Variants in ZFPM1 observed in about 807,000 individuals in gnomAD.
ZFPM1 encodes the protein zinc finger protein, FOG family member 1.
Under a neutral mutation model 46.3 loss-of-function variants are expected in ZFPM1, and 28 were observed. That is an observed-to-expected ratio of 0.60 (90% CI 0.45 to 0.83). ZFPM1 has a LOEUF of 0.83. ZFPM1 is among the 40% of genes least tolerant of loss of function. The probability of loss-of-function intolerance (pLI) is 0.00; values close to 1 mark genes in which losing one functional copy is unlikely to be tolerated. For synonymous variants in ZFPM1, 957 were observed against 675.9 expected (o/e 1.42, Z -6.45); for missense variants, 1,878 against 1,432.4 (o/e 1.31, Z -5.02).
In ZFPM1 at chr16:88,485,852, G is replaced by A. The variant is rs966782693; in HGVS notation, c.41-87G>A. ...CCATTGCCATTTCCGCCTGGGCACCGGGGCTGTACCTATGCCAGGAGGGGT... is the reference window on the plus strand; with the variant it reads ...CCATTGCCATTTCCGCCTGGGCACCAGGGCTGTACCTATGCCAGGAGGGGT... On this transcript the variant is annotated intron_variant, in intron 1 of 9. Transcript: ENST00000319555. The A allele has an allele frequency of 2.4e-5, 31 of 1,296,096 alleles. No individual in the cohort carries two copies. The Middle Eastern group carries it at 7.9e-4, about 33-fold the overall frequency. 80.3% of individuals were successfully genotyped at this position (1,296,096 alleles called of 1,614,324 possible). A position where few individuals can be genotyped will look rare whatever the true frequency, so the allele number is the denominator to read the frequency against.
At chr16:88,491,230 C>G (rs1909556108) in intron 3 of ZFPM1, among the ~76,000 whole-genome samples, 1 of 152,164 alleles carries the variant, frequency 6.6e-6, no homozygotes, top group Non-Finnish European at 1.5e-5. Context: ...TCAGTGTCCC[C>G]TGCTGTAGAA....
At chr16:88,483,622 C>T (rs185801387) in intron 1 of ZFPM1, among the ~76,000 whole-genome samples, 2 of 152,302 alleles carry the variant, frequency 1.3e-5, no homozygotes, top group East Asian at 1.9e-4. Context: ...CCATTGTTTT[C>T]GGCCGGGGCC....
intron 1 of ZFPM1, among the ~76,000 whole-genome samples, chr16:88,466,634 T>G (rs1567527724): frequency 6.6e-6 from 1 of 152,266 alleles, no homozygotes; most frequent in Non-Finnish European, 1.5e-5. Context: ...TCTTGTTTCT[T>G]GGGTTCATTT....
rs769343184 is a variant in ZFPM1, at chr16:88,469,247, C to T, written c.40+15569C>T. Among the ~76,000 whole-genome samples, 3 of 152,200 alleles carry T rather than the reference C, an allele frequency of 2.0e-5. No homozygotes were observed. Among genetic ancestry groups the T allele is most frequent in the East Asian group, 3.9e-4 (2 of 5,194 alleles). ...TCATTCTGCCAAGCTTCTGAAGTGC[C>T]GGCCGGGCCAGGGACGTGGCACCAT... is the stretch of plus-strand genomic sequence containing the variant. On this transcript the variant is annotated intron_variant, in intron 1 of 9. Coordinates refer to ENST00000319555, the MANE Select transcript of ZFPM1 (RefSeq NM_153813.3). The surrounding 1 kb of genome is among the most constrained non-coding windows in gnomAD (Gnocchi z 4.3).
Position 88,489,064 on chromosome 16 carries a change from C to T in ZFPM1, c.179C>T (p.Thr60Ile). 6.2e-7 allele frequency: 1 copy of T among 1,613,190 alleles called. No homozygotes were observed. Among genetic ancestry groups the T allele is most frequent in the Non-Finnish European group, 8.5e-7 (1 of 1,179,788 alleles). The change falls in exon 3 of 10, where the codon ACA becomes ATA. Residue 60 changes from threonine (T) to isoleucine (I), a missense_variant. Thr to Ile is a moderately conservative substitution (Grantham distance 89). Transcript: ENST00000319555. ...TCACCCCCACCGCTGCCGCCCCCCA[C>T]ATCCCCAGGAGGCCCCAAGGAGCTG... ...VNSPPPLPPP[T>I]SPGGPKELEG...
chr16:88,528,300 G>A (rs556033120), intron 6 of ZFPM1, 62 bp downstream of exon 6: 5 of 1,487,588 alleles, frequency 3.4e-6, no homozygotes, highest in African/African-American at 1.4e-5. Flanking sequence ...AGGCAGGGCA[G>A]GAGAGGGTGG....
At position 88,518,736 on chromosome 16, in the gene ZFPM1, G is replaced by A. The variant is rs540387386; in HGVS notation, c.402+4216G>A. Among the ~76,000 whole-genome samples, 13 of 132,914 alleles carry A rather than the reference G, an allele frequency of 9.8e-5. No homozygotes were observed. The East Asian group carries it at 2.6e-3, about 26-fold the overall frequency. 87.2% of individuals were successfully genotyped at this position (132,914 alleles called of 152,430 possible). ...GGATGGATGGATGGATGGCTGAGAG[G>A]GTGGATGGATGGATGGATGGATGGA... On this transcript the variant is annotated intron_variant, in intron 4 of 9. Transcript: ENST00000319555.
At position 88,533,519 on chromosome 16, in the gene ZFPM1, G is replaced by C; in HGVS notation, c.1561G>C (p.Ala521Pro). ...CCCGGTGCCCGGCGAGCTGGGCCTG[G>C]CCGGGGCCCTGTTCCTTCCGCAGTA... is the stretch of plus-strand genomic sequence containing the variant. ...SSPVPGELGL[A>P]GALFLPQYVF... Residue 521 changes from alanine (A) to proline (P), a missense_variant, in exon 10 of 10, where the codon GCC becomes CCC. By Grantham distance (27) the Ala-to-Pro change is conservative. Transcript: ENST00000319555. 7.0e-7 allele frequency: 1 copy of C among 1,428,732 alleles called. No individual in the cohort carries two copies. Among genetic ancestry groups the C allele is most frequent in the Non-Finnish European group, 9.1e-7 (1 of 1,095,660 alleles). 88.5% of individuals were successfully genotyped at this position (1,428,732 alleles called of 1,614,324 possible). A position where few individuals can be genotyped will look rare whatever the true frequency, so the allele number is the denominator to read the frequency against.
At chr16:88,509,946 C>A (rs1910862762) in intron 3 of ZFPM1, among the ~76,000 whole-genome samples, 1 of 152,110 alleles carries the variant, frequency 6.6e-6, no homozygotes, top group South Asian at 2.1e-4. Flanking sequence ...GCGACAGGGG[C>A]CTCTGGGGCC....
intron 1 of ZFPM1, among the ~76,000 whole-genome samples, chr16:88,456,146 A>C (rs1445046864): frequency 6.6e-6 from 1 of 152,174 alleles, no homozygotes; most frequent in Non-Finnish European, 1.5e-5. Context: ...AACACACTTA[A>C]TTGCCAAGAA....
At chr16:88,494,013 A>C (rs919031922) in intron 3 of ZFPM1, among the ~76,000 whole-genome samples, 24 of 152,270 alleles carry the variant, frequency 1.6e-4, no homozygotes, top group African/African-American at 5.5e-4. Flanking sequence ...CAGTTTCCGC[A>C]TCTGTAAAAT....
chr16:88,517,400 G>C (rs1052637882), intron 4 of ZFPM1, among the ~76,000 whole-genome samples: 21 of 149,828 alleles, frequency 1.4e-4, no homozygotes, highest in African/African-American at 4.4e-4. Context: ...GGATGCATGG[G>C]TAGATGGATG....
chr16:88,526,683 CTG>C (rs1235517072), intron 4 of ZFPM1, 129 bp from the exon 5 acceptor site: 11 of 972,308 alleles, frequency 1.1e-5, no homozygotes, highest in Non-Finnish European at 1.7e-5. Flanking sequence ...GGGCCAATGA[CTG>C]TCCACAGCTT....
rs201683929 is a variant in ZFPM1, at chr16:88,532,775, G to C, written c.1043-14G>C. The C allele has an allele frequency of 6.2e-7, 1 of 1,613,050 alleles. No homozygotes were observed. The highest frequency in any genetic ancestry group is 1.3e-5 in the African/African-American group (1 of 75,032). ...CCCCGCCCTGGGCCTTGACCACCTC[G>C]CCATGGCCCACAGGTGTCTGCCACA... is the stretch of plus-strand genomic sequence containing the variant. On this transcript the variant is annotated splice_polypyrimidine_tract_variant and intron_variant, in intron 8 of 9. Transcript: ENST00000319555.
At chr16:88,503,343 G>A (rs905204734) in intron 3 of ZFPM1, among the ~76,000 whole-genome samples, 1 of 145,680 alleles carries the variant, frequency 6.9e-6, no homozygotes, top group African/African-American at 2.6e-5. Flanking sequence ...ATCTGTGTCT[G>A]GGGGGCCCAC....
intron 1 of ZFPM1, among the ~76,000 whole-genome samples, chr16:88,460,942 TGACCGAGGGGC>T (rs1907804241): frequency 9.4e-5 from 2 of 21,324 alleles, no homozygotes; most frequent in African/African-American, 3.6e-4. Flanking sequence ...GGCCTGGTGA[TGACCGAGGGGC>T]GGGGCGGGAG....
At chr16:88,463,411 C>T (rs1298317211) in intron 1 of ZFPM1, among the ~76,000 whole-genome samples, 1 of 152,350 alleles carries the variant, frequency 6.6e-6, no homozygotes, top group East Asian at 1.9e-4. Flanking sequence ...ACAGGGCCCT[C>T]CCCCGGATGT....
At chr16:88,531,439 G>A (rs893035824) in intron 6 of ZFPM1, among the ~76,000 whole-genome samples, 7 of 152,144 alleles carry the variant, frequency 4.6e-5, no homozygotes, top group African/African-American at 7.2e-5. Flanking sequence ...ACATGGAGCC[G>A]CCCAGGTGTG....
At chr16:88,505,931 C>A (rs1910632818) in intron 3 of ZFPM1, among the ~76,000 whole-genome samples, 3 of 152,222 alleles carry the variant, frequency 2.0e-5, no homozygotes, top group Admixed American at 2.0e-4. Flanking sequence ...CCCCCGCACC[C>A]CCAGCCCCCC....
Sources: allele counts gnomAD v4.1 joint callset (sites outside exome capture counted in the v4.1 genomes callset), GRCh38; gene constraint gnomAD v4.1.1; non-coding constraint Gnocchi (gnomAD v3.1); transcripts MANE v1.5; gene names NCBI Gene and HGNC (gene_info 2026-07-23, HGNC 2026-07-21).